The following IL16 variants were observed in gnomAD, a reference collection of about 807,000 sequenced individuals.
IL16 encodes the protein interleukin 16.
Under a neutral mutation model 110.1 loss-of-function variants are expected in IL16, and 67 were observed. That is an observed-to-expected ratio of 0.61 (90% CI 0.50 to 0.75). The LOEUF is 0.75. IL16 is among the 30% of genes least tolerant of loss of function. The pLI is 0.00. For missense variants in IL16, 1,545 were observed against 1,655.0 expected (o/e 0.93, Z 1.15); for synonymous variants, 689 against 662.9 (o/e 1.04, Z -0.61).
At chr15:81,195,368 G>C (rs756895038), upstream of IL16, among the ~76,000 whole-genome samples, 3 of 152,118 alleles carry the variant, frequency 2.0e-5, no homozygotes, top group Non-Finnish European at 2.9e-5. Flanking sequence ...GCCTGAGTCT[G>C]TCCTGGCCCC....
At chr15:81,218,224 A>G (rs182929936) in intron 1 of IL16, among the ~76,000 whole-genome samples, 17 of 152,284 alleles carry the variant, frequency 1.1e-4, no homozygotes, top group African/African-American at 4.1e-4. Flanking sequence ...AGACTAACCA[A>G]TTAGAAAATA....
intron 3 of IL16, among the ~76,000 whole-genome samples, chr15:81,263,437 T>A (rs1898242846): frequency 6.6e-6 from 1 of 151,242 alleles, no homozygotes; most frequent in Non-Finnish European, 1.5e-5. Context: ...TGGTTTAAAC[T>A]TCCCCCAATG....
chr15:81,288,778 C>T (rs1899568758), intron 10 of IL16, among the ~76,000 whole-genome samples: 3 of 151,930 alleles, frequency 2.0e-5, no homozygotes, highest in South Asian at 2.1e-4. Context: ...TGTTGTAGCA[C>T]GGGCCAGAAT....
chr15:81,233,052 C>T (rs150591445), intron 2 of IL16, among the ~76,000 whole-genome samples: 1,633 of 152,184 alleles, frequency 0.011, 21 homozygotes, highest in African/African-American at 0.038. Flanking sequence ...TAGGACTATA[C>T]AAATTTTCAA....
rs376187072 is a variant in IL16, at chr15:81,291,402, T to C, written c.1420+862T>C. On this transcript the variant is annotated intron_variant, in intron 11 of 18. Transcript: ENST00000683961. ...AATTTTTACTTTCATTCCTTCCTCCTTGTGGCTGAGTTTTCTCTAAGGAGG... is the reference window on the plus strand; with the variant it reads ...AATTTTTACTTTCATTCCTTCCTCCCTGTGGCTGAGTTTTCTCTAAGGAGG... 6.4e-4 allele frequency among the ~76,000 whole-genome samples: 98 copies of C among 152,336 alleles called. 2 individuals carry two copies. Among genetic ancestry groups the C allele is most frequent in the Admixed American group, 5.9e-4 (9 of 15,310 alleles).
chr15:81,289,961 C>G (rs541026811), intron 10 of IL16: 4 of 435,554 alleles, frequency 9.2e-6, no homozygotes, highest in Non-Finnish European at 1.8e-5. Context: ...CACACCTAGA[C>G]AGTAGAGGAA....
intron 10 of IL16, among the ~76,000 whole-genome samples, chr15:81,287,649 G>A (rs1046057855): frequency 6.6e-6 from 1 of 152,204 alleles, no homozygotes; most frequent in African/African-American, 2.4e-5. Flanking sequence ...TCCCAATGGT[G>A]AAGCTACTAA....
At chr15:81,214,632 A>G (rs898243247) in intron 1 of IL16, among the ~76,000 whole-genome samples, 1 of 151,920 alleles carries the variant, frequency 6.6e-6, no homozygotes, top group Admixed American at 6.6e-5. Context: ...GTATCTAGCC[A>G]GGGTTCTCTA....
intron 1 of IL16, among the ~76,000 whole-genome samples, chr15:81,188,829 T>A (rs963081861): frequency 2.0e-5 from 3 of 152,186 alleles, no homozygotes; most frequent in South Asian, 4.2e-4. Flanking sequence ...TCAGGTACTA[T>A]GCTCAATACC....
At chr15:81,252,328 T>C (rs1170436220) in intron 2 of IL16, among the ~76,000 whole-genome samples, 2 of 152,210 alleles carry the variant, frequency 1.3e-5, no homozygotes, top group Non-Finnish European at 2.9e-5. Flanking sequence ...ACAGAGCCAT[T>C]AGTTTTAATC....
chr15:81,307,274 G>C (rs1019260079), intron 18 of IL16, among the ~76,000 whole-genome samples: 1 of 152,188 alleles, frequency 6.6e-6, no homozygotes, highest in Non-Finnish European at 1.5e-5. Context: ...TCTAGTCCCA[G>C]CTCTGCCTGT....
intron 6 of IL16, among the ~76,000 whole-genome samples, chr15:81,277,996 T>C (rs1444904320): frequency 2.0e-5 from 3 of 152,110 alleles, no homozygotes; most frequent in African/African-American, 7.2e-5. Context: ...TATACTGTTG[T>C]GAAAAAAGGA....
intron 7 of IL16, 110 bp downstream of exon 7, chr15:81,279,000 G>A: frequency 1.3e-6 from 1 of 759,864 alleles, no homozygotes; most frequent in East Asian, 2.5e-5. Flanking sequence ...TTCACATGAG[G>A]CACCTCACTG....
At chr15:81,282,208 T>C (rs967225737) in intron 8 of IL16, among the ~76,000 whole-genome samples, 1 of 152,242 alleles carries the variant, frequency 6.6e-6, no homozygotes, top group African/African-American at 2.4e-5. Flanking sequence ...CGTTGGCTGT[T>C]TCTGCTTCTG....
intron 1 of IL16, among the ~76,000 whole-genome samples, chr15:81,206,592 T>C (rs1896025150): frequency 6.6e-6 from 1 of 152,084 alleles, no homozygotes; most frequent in South Asian, 2.1e-4. Flanking sequence ...CCTCAATGAA[T>C]TCCAACAAAT....
At chr15:81,227,249 A>G (rs1211650694) in intron 2 of IL16, among the ~76,000 whole-genome samples, 1 of 152,170 alleles carries the variant, frequency 6.6e-6, no homozygotes, top group Non-Finnish European at 1.5e-5. Flanking sequence ...TATAGATAAT[A>G]ACAACTTGAT....
At position 81,306,175 on chromosome 15, in the gene IL16, T is replaced by C; in HGVS notation, c.3679+9T>C. ...TGTTTCTGTAGAATCTAGTAAGTTC[T>C]CCCAACTCAGTGGAAGCCACATGGG... is the stretch of plus-strand genomic sequence containing the variant. On this transcript the variant is annotated intron_variant, in intron 17 of 18. Coordinates refer to ENST00000683961, the MANE Select transcript of IL16 (RefSeq NM_172217.5). 2 of 1,611,716 alleles carry C rather than the reference T, an allele frequency of 1.2e-6. No homozygotes were observed. Among genetic ancestry groups the C allele is most frequent in the South Asian group, 1.1e-5 (1 of 90,940 alleles).
At chr15:81,290,605 C>A in intron 11 of IL16, 65 bp downstream of exon 11, 2 of 1,064,664 alleles carry the variant, frequency 1.9e-6, no homozygotes, top group Non-Finnish European at 2.8e-6. Context: ...AGGATTTATC[C>A]ATTAACTCAT....
chr15:81,217,771 G>A (rs1320929820), intron 1 of IL16, among the ~76,000 whole-genome samples: 1 of 152,152 alleles, frequency 6.6e-6, no homozygotes, highest in Non-Finnish European at 1.5e-5. Flanking sequence ...CAAATCAAAA[G>A]AGGAAAGACA....
Sources: gnomAD v4.1 joint callset for allele counts (sites outside exome capture counted in the v4.1 genomes callset) on GRCh38, gnomAD v4.1.1 for gene constraint, MANE v1.5 for transcripts, NCBI Gene and HGNC (gene_info 2026-07-23, HGNC 2026-07-21) for gene names.